The following ATP2A3 variants were observed in gnomAD, a reference collection of about 807,000 sequenced individuals.
ATP2A3 encodes the protein ATPase sarcoplasmic/endoplasmic reticulum Ca2+ transporting 3.
ATP2A3 carries 61 observed loss-of-function variants against 106.8 expected under a neutral mutation model. That is an observed-to-expected ratio of 0.57 (90% confidence interval 0.46 to 0.71). The LOEUF (loss-of-function observed/expected upper bound fraction) is 0.71, where lower values mean the gene tolerates loss of function less well. Ranked by LOEUF, ATP2A3 falls within the 30% of genes least tolerant of loss-of-function variation. ATP2A3 has a pLI of 0.00. For missense variants in ATP2A3, 1,201 were observed against 1,423.5 expected, an observed-to-expected ratio of 0.84 and a Z score of 2.52; for synonymous variants, 611 against 609.3, an observed-to-expected ratio of 1.00 and a Z score of -0.04.
At chr17:3,941,370 T>G (rs1016406382) in intron 13 of ATP2A3, 64 bp from the exon 14 acceptor site, 17 of 1,613,554 alleles carry the variant, frequency 1.1e-5, no homozygotes, top group Non-Finnish European at 1.4e-5. Flanking sequence ...CCTGCTCAGC[T>G]GCTGCAGGGA....
chr17:3,936,979 G>C lies in ATP2A3; in HGVS notation c.2321+437C>G. ...CACGCCGGCACAAATCCTTCTGCTTGTACTCACGCTCAAAATGCACCAGAG... is the reference window on the plus strand; with the variant it reads ...CACGCCGGCACAAATCCTTCTGCTTCTACTCACGCTCAAAATGCACCAGAG... On this transcript the variant is annotated intron_variant, in intron 15 of 20. Transcript: ENST00000397041. This position sits in a 1 kb window ranked among gnomAD's most constrained non-coding sequence, Gnocchi z 5.4. 3.0e-6 allele frequency: 1 copy of C among 330,760 alleles called. No individual in the cohort carries two copies. The highest frequency in any genetic ancestry group is 5.9e-6 in the Non-Finnish European group (1 of 170,058). 20.5% of individuals were successfully genotyped at this position (330,760 alleles called of 1,614,324 possible). A position where few individuals can be genotyped will look rare whatever the true frequency, so the allele number is the denominator to read the frequency against.
intron 1 of ATP2A3, among the ~76,000 whole-genome samples, chr17:3,959,583 TG>T (rs1366107078): frequency 6.6e-6 from 1 of 152,224 alleles, no homozygotes; most frequent in African/African-American, 2.4e-5. Flanking sequence ...CATTGGAAAC[TG>T]GTATTTCAGC....
intron 15 of ATP2A3, 116 bp downstream of exon 15, chr17:3,937,300 A>G: frequency 8.1e-7 from 1 of 1,230,078 alleles, no homozygotes; most frequent in Non-Finnish European, 1.2e-6. Flanking sequence ...AGCCCCAGCC[A>G]GGGCAGGGCA....
At chr17:3,940,886 G>A (rs1485459979) in intron 14 of ATP2A3, 85 bp downstream of exon 14, 12 of 1,435,684 alleles carry the variant, frequency 8.4e-6, no homozygotes, top group Middle Eastern at 3.5e-4. Context: ...GAATGAGGCA[G>A]AGGGGAGAGT....
intron 15 of ATP2A3, 97 bp downstream of exon 15, chr17:3,937,319 T>C: frequency 7.2e-7 from 1 of 1,387,478 alleles, no homozygotes; most frequent in Non-Finnish European, 1.0e-6. Context: ...CACAGGCCCC[T>C]CCATCCCTGC....
rs1286407256 is a variant in ATP2A3 at position 3,955,885 on chromosome 17, TTA to T, written c.119-2177_119-2176del. 2.8e-5 allele frequency among the ~76,000 whole-genome samples: 4 copies of T among 143,034 alleles called. No individual in the cohort carries two copies. Among genetic ancestry groups the T allele is most frequent in the African/African-American group, 1.0e-4 (4 of 39,530 alleles). 93.8% of individuals were successfully genotyped at this position (143,034 alleles called of 152,430 possible). ...CTCCTTTCTCTTATTTTATTTTATT[TTA>T]TTTTTTTTTTTTGAGATGGAGTCTT... is the stretch of plus-strand genomic sequence containing the variant. On this transcript the variant is annotated intron_variant, in intron 1 of 20. Transcript: ENST00000397041. The surrounding 1 kb of genome is among the most constrained non-coding windows in gnomAD (Gnocchi z 4.2).
In ATP2A3 at chr17:3,935,181, C is replaced by T; in HGVS notation, c.2610+11G>A. ...TAAGTTCAACAGGCTCCCTGGCCAG[C>T]CCTTGCTCACCAGCTGGTAGAAGTT... On this transcript the variant is annotated intron_variant, in intron 17 of 20. Transcript: ENST00000397041. 2 of 1,613,952 alleles carry T rather than the reference C, an allele frequency of 1.2e-6. No individual in the cohort carries two copies. The highest frequency in any genetic ancestry group is 2.2e-5 in the East Asian group (1 of 44,884).
chr17:3,948,486 G>C (rs2054241798), intron 7 of ATP2A3, among the ~76,000 whole-genome samples: 1 of 152,210 alleles, frequency 6.6e-6, no homozygotes, highest in Non-Finnish European at 1.5e-5. Context: ...CCTCTCTTCT[G>C]TCTTAAGCAA....
chr17:3,928,932 A>G lies in ATP2A3; in HGVS notation c.2863-152T>C. ...ATGCACCCCCGATCTTTGTCCACTC[A>G]GCTGCACCCCCCGATCTTTGTCTGT... On this transcript the variant is annotated intron_variant, in intron 19 of 20. Transcript: ENST00000397041. This position sits in a 1 kb window ranked among gnomAD's most constrained non-coding sequence, Gnocchi z 6.1. The G allele has an allele frequency of 4.8e-6, 3 of 624,534 alleles. No individual in the cohort carries two copies. The highest frequency in any genetic ancestry group is 2.8e-6 in the Non-Finnish European group (1 of 358,820). 38.7% of individuals were successfully genotyped at this position (624,534 alleles called of 1,614,324 possible). A position where few individuals can be genotyped will look rare whatever the true frequency, so the allele number is the denominator to read the frequency against.
At position 3,947,743 on chromosome 17, in the gene ATP2A3, G is replaced by A. The variant is rs777392643; in HGVS notation, c.743C>T (p.Pro248Leu). ...QMAAVEPERT[P>L]LQRKLDEFGR... ...AAACTCGTCCAGCTTGCGCTGCAGC[G>A]GCGTCCGCTCGGGCTCGACTGCCGC... Residue 248 changes from proline to leucine, a missense_variant, in exon 8 of 21, where the codon CCG becomes CTG. Coordinates refer to ENST00000397041, the MANE Select transcript of ATP2A3 (RefSeq NM_005173.4). This position sits in a 1 kb window ranked among gnomAD's most constrained non-coding sequence, Gnocchi z 7.7. 2.0e-5 allele frequency: 32 copies of A among 1,608,058 alleles called. No individual in the cohort carries two copies. The highest frequency in any genetic ancestry group is 2.5e-5 in the Non-Finnish European group (30 of 1,179,836).
Position 3,964,093 on chromosome 17 carries a change from G to A in ATP2A3, c.118+81C>T, listed in dbSNP as rs1435282451. 5.3e-5 allele frequency: 40 copies of A among 760,636 alleles called. No homozygotes were observed. The South Asian group carries it at 2.0e-3, about 37-fold the overall frequency. The allele number at this position is 760,636 out of a possible 1,614,324, so 47.1% of individuals were successfully genotyped here. On this transcript the variant is annotated intron_variant, in intron 1 of 20. Coordinates refer to ENST00000397041, the MANE Select transcript of ATP2A3 (RefSeq NM_005173.4). ...CCTCGCTTCCTGCCCGCCCAGAGCC[G>A]GGTGGGGAGGCAGGAGGGGAAACTG...
rs552475615 is a variant in ATP2A3 at position 3,948,861 on chromosome 17, G to C, written c.631-1006C>G. 3.9e-5 allele frequency among the ~76,000 whole-genome samples: 6 copies of C among 152,148 alleles called. No homozygotes were observed. The East Asian group carries it at 1.2e-3, about 30-fold the overall frequency. On this transcript the variant is annotated intron_variant, in intron 7 of 20. Transcript: ENST00000397041. ...GAAGAGTTCTGGGCCAGGTGCAGTG[G>C]CTCACACCTGTAATCTCAGAACTTT...
At position 3,928,391 on chromosome 17, in the gene ATP2A3, G is replaced by T; in HGVS notation, c.2980+272C>A. On this transcript the variant is annotated intron_variant, in intron 20 of 20. Transcript: ENST00000397041. This position sits in a 1 kb window ranked among gnomAD's most constrained non-coding sequence, Gnocchi z 6.1. ...CACACAGTGCCCTGGCCATGTAGGG[G>T]GTGGCAGGTGAAGACAGTGAGGCAG... The T allele has an allele frequency of 6.7e-7, 1 of 1,485,336 alleles. No individual in the cohort carries two copies. Among genetic ancestry groups the T allele is most frequent in the East Asian group, 2.3e-5 (1 of 42,846 alleles). The allele number at this position is 1,485,336 out of a possible 1,614,324, so 92.0% of individuals were successfully genotyped here. A position where few individuals can be genotyped will look rare whatever the true frequency, so the allele number is the denominator to read the frequency against.
Position 3,930,568 on chromosome 17 carries a change from GCT to G in ATP2A3, c.2611-136_2611-135del. 7.3e-7 allele frequency: 1 copy of G among 1,369,718 alleles called. No homozygotes were observed. Among genetic ancestry groups the G allele is most frequent in the Non-Finnish European group, 1.0e-6 (1 of 996,666 alleles). 84.8% of individuals were successfully genotyped at this position (1,369,718 alleles called of 1,614,324 possible). A position where few individuals can be genotyped will look rare whatever the true frequency, so the allele number is the denominator to read the frequency against. On this transcript the variant is annotated intron_variant, in intron 17 of 20. Transcript: ENST00000397041. The surrounding 1 kb of genome is among the most constrained non-coding windows in gnomAD (Gnocchi z 5.4). The stretch of plus-strand genomic sequence containing the variant: ...CACACAAAACACTGCCGTGGGGTGG[GCT>G]GGGGATCCCGGGAGGGGTGCGGGGT...
chr17:3,947,381 C>T lies in ATP2A3; in HGVS notation c.1095+10G>A, dbSNP rs562516916. 9.6e-5 allele frequency: 155 copies of T among 1,613,660 alleles called. No individual in the cohort carries two copies. Among genetic ancestry groups the T allele is most frequent in the South Asian group, 1.6e-4 (15 of 91,076 alleles). Reference sequence around the variant, plus strand: ...CAACGCACAGCAACACCAAGCTGGCCGTCACTCACCCGGCAGACAGACATC... The same window carrying T: ...CAACGCACAGCAACACCAAGCTGGCTGTCACTCACCCGGCAGACAGACATC... On this transcript the variant is annotated intron_variant, in intron 8 of 20. Coordinates refer to ENST00000397041, the MANE Select transcript of ATP2A3 (RefSeq NM_005173.4). This position sits in a 1 kb window ranked among gnomAD's most constrained non-coding sequence, Gnocchi z 7.7.
chr17:3,929,334 G>T lies in ATP2A3; in HGVS notation c.2856C>A (p.Pro952=), dbSNP rs756191871. The T allele has an allele frequency of 6.4e-7, 1 of 1,551,330 alleles. No individual in the cohort carries two copies. The highest frequency in any genetic ancestry group is 1.2e-5 in the South Asian group (1 of 84,186). The part of the protein sequence containing the change: ...ALHFLILLVP[P]LPLIFQVTPL... ...GGCAGGCGGGGTGACTCACAGGCAG[G>T]GGCGGCACGAGCAGGATGAGGAAGT... The change falls in exon 19 of 21, where the codon CCC becomes CCA. Residue 952 remains proline, a synonymous_variant. Transcript: ENST00000397041. The surrounding 1 kb of genome is among the most constrained non-coding windows in gnomAD (Gnocchi z 4.3).
At chr17:3,954,075 G>C (rs2054613386) in intron 1 of ATP2A3, among the ~76,000 whole-genome samples, 1 of 152,020 alleles carries the variant, frequency 6.6e-6, no homozygotes, top group African/African-American at 2.4e-5. Flanking sequence ...GTCACACGGA[G>C]AGTGGGCTGT....
chr17:3,952,814 A>G (rs1250443591), intron 3 of ATP2A3, among the ~76,000 whole-genome samples: 1 of 151,730 alleles, frequency 6.6e-6, no homozygotes, highest in East Asian at 1.9e-4. Flanking sequence ...CTGGTCTCAA[A>G]CTCCTGGGCT....
Position 3,947,734 on chromosome 17 carries a change from C to A in ATP2A3, c.752G>T (p.Arg251Leu), listed in dbSNP as rs144288676. 1.2e-6 allele frequency: 2 copies of A among 1,609,342 alleles called. No homozygotes were observed. The highest frequency in any genetic ancestry group is 1.7e-6 in the Non-Finnish European group (2 of 1,179,848). Residue 251 changes from arginine to leucine, a missense_variant, in exon 8 of 21, where the codon CGC becomes CTC. Around this residue, in one of 2 missense-constraint regions of ATP2A3, gnomAD observed 935 missense variants for 1,176.7 expected, o/e 0.79. Transcript: ENST00000397041. The surrounding 1 kb of genome is among the most constrained non-coding windows in gnomAD (Gnocchi z 7.7). ...CTGCCGTCCAAACTCGTCCAGCTTG[C>A]GCTGCAGCGGCGTCCGCTCGGGCTC... ...AVEPERTPLQRKLDEFGRQLS... is the reference protein window; with the variant it reads ...AVEPERTPLQLKLDEFGRQLS...
Sources: allele counts gnomAD v4.1 joint callset (sites outside exome capture counted in the v4.1 genomes callset), GRCh38; gene constraint gnomAD v4.1.1; regional missense constraint gnomAD v4.1.1; non-coding constraint Gnocchi (gnomAD v3.1); transcripts MANE v1.5; gene names NCBI Gene and HGNC (gene_info 2026-07-23, HGNC 2026-07-21).